DCHS2: variants seen among roughly 807,000 people sequenced by gnomAD.
The protein encoded by DCHS2 is protocadherin-23.
DCHS2 carries 142 observed loss-of-function variants against 182.4 expected under a neutral mutation model. The observed-to-expected ratio is 0.78, with a 90% CI of 0.68 to 0.89. The LOEUF (loss-of-function observed/expected upper bound fraction) is 0.89, where lower values mean the gene tolerates loss of function less well. Ranked by LOEUF, DCHS2 falls within the 40% of genes least tolerant of loss-of-function variation. The pLI is 0.00. For missense variants in DCHS2, 4,319 were observed against 4,198.6 expected, an observed-to-expected ratio of 1.03 and a Z score of -0.79; for synonymous variants, 1,740 against 1,663.3, an observed-to-expected ratio of 1.05 and a Z score of -1.12.
At chr4:154,367,169 C>T (rs1730421070) in intron 2 of DCHS2, among the ~76,000 whole-genome samples, 1 of 152,338 alleles carries the variant, frequency 6.6e-6, no homozygotes, top group Admixed American at 6.5e-5. Flanking sequence ...TCCTAGGGAC[C>T]TCTGCAGGTC....
At position 154,284,220 on chromosome 4, in the gene DCHS2, C is replaced by T. The variant is rs190751787; in HGVS notation, c.6463+13631G>A. ...TTTTATCCTCAAAATAATCTAAAAT[C>T]AGGCTTCAGACATCCACAAACAATA... On this transcript the variant is annotated intron_variant, in intron 13 of 19. Coordinates refer to ENST00000357232, the MANE Select transcript of DCHS2 (RefSeq NM_001358235.2). 1.1e-4 allele frequency among the ~76,000 whole-genome samples: 17 copies of T among 152,264 alleles called. No homozygotes were observed. The East Asian group carries it at 3.1e-3, about 28-fold the overall frequency.
At chr4:154,376,578 T>A (rs1247279773) in intron 2 of DCHS2, among the ~76,000 whole-genome samples, 1 of 152,174 alleles carries the variant, frequency 6.6e-6, no homozygotes, top group African/African-American at 2.4e-5. Flanking sequence ...GAATTCCAGA[T>A]AATAAATGCA....
intron 14 of DCHS2, among the ~76,000 whole-genome samples, chr4:154,265,169 G>A (rs760828617): frequency 2.6e-5 from 4 of 151,914 alleles, no homozygotes; most frequent in Non-Finnish European, 4.4e-5. Flanking sequence ...AAAATCAAAA[G>A]ACAAAAATCA....
intron 1 of DCHS2, among the ~76,000 whole-genome samples, chr4:154,433,770 T>A (rs1036983833): frequency 2.6e-5 from 4 of 152,198 alleles, no homozygotes; most frequent in Non-Finnish European, 5.9e-5. Context: ...CTCCTCTCAC[T>A]AGGCTCCTGC....
intron 13 of DCHS2, among the ~76,000 whole-genome samples, chr4:154,295,428 G>A (rs2111272564): frequency 6.6e-6 from 1 of 152,232 alleles, no homozygotes; most frequent in African/African-American, 2.4e-5. Context: ...ATTATCATAG[G>A]AATTCATATG....
chr4:154,408,070 G>A (rs551935738), intron 1 of DCHS2, among the ~76,000 whole-genome samples: 1 of 152,048 alleles, frequency 6.6e-6, no homozygotes, highest in South Asian at 2.1e-4. Flanking sequence ...ATCTCTGTAC[G>A]TATTTGATAT....
intron 10 of DCHS2, among the ~76,000 whole-genome samples, chr4:154,308,833 C>T (rs1420294117): frequency 6.6e-6 from 1 of 152,042 alleles, no homozygotes; most frequent in African/African-American, 2.4e-5. Context: ...AATATAGCAC[C>T]GGATACAGAT....
At position 154,332,912 on chromosome 4, in the gene DCHS2, G is replaced by A; in HGVS notation, c.3296C>T (p.Pro1099Leu). ...CTGTGTTTGCAGCATTTGTGTCATC[G>A]GTGAGAGAGACTCACTGACTTCCAC... Reference protein sequence around the residue: ...YQVEVSESLSPMTQMLQTQAH... With the variant: ...YQVEVSESLSLMTQMLQTQAH... Residue 1099 changes from proline to leucine, a missense_variant, in exon 5 of 20, where the codon CCG becomes CTG. Pro to Leu is a moderately conservative substitution (Grantham distance 98). Transcript: ENST00000357232. 1.2e-6 allele frequency: 2 copies of A among 1,614,196 alleles called. No individual in the cohort carries two copies. The highest frequency in any genetic ancestry group is 1.7e-6 in the Non-Finnish European group (2 of 1,180,036).
intron 1 of DCHS2, chr4:154,384,434 A>G (rs373699504): frequency 1.5e-5 from 24 of 1,611,392 alleles, no homozygotes; most frequent in Non-Finnish European, 2.0e-5. Flanking sequence ...CCCAGAGCTC[A>G]GTCTCGGGAC....
intron 2 of DCHS2, among the ~76,000 whole-genome samples, chr4:154,368,904 G>A (rs1028765261): frequency 6.6e-6 from 1 of 152,156 alleles, no homozygotes; most frequent in Non-Finnish European, 1.5e-5. Context: ...AGGCTTGGCA[G>A]TCAGATTCCT....
In DCHS2 at chr4:154,232,385, A is replaced by G; in HGVS notation, c.*2151T>C. ...TGATAAACCCATCAATTAAAAATCCATTAAATATTGGTAAAAAAGCTCTAT... is the reference window on the plus strand; with the variant it reads ...TGATAAACCCATCAATTAAAAATCCGTTAAATATTGGTAAAAAAGCTCTAT... On this transcript the variant is annotated 3_prime_UTR_variant, in exon 20 of 20. Transcript: ENST00000357232. 6.6e-6 allele frequency: 1 copy of G among 152,144 alleles called. No individual in the cohort carries two copies. The allele number at this position is 152,144 out of a possible 1,614,324, so 9.4% of individuals were successfully genotyped here.
chr4:154,377,344 T>C lies in DCHS2; in HGVS notation c.2153A>G (p.Asp718Gly), dbSNP rs753429553. 6 of 1,613,406 alleles carry C rather than the reference T, an allele frequency of 3.7e-6. No homozygotes were observed. Among genetic ancestry groups the C allele is most frequent in the Non-Finnish European group, 5.1e-6 (6 of 1,179,710 alleles). Residue 718 changes from aspartate (D) to glycine (G), a missense_variant, in exon 2 of 20, where the codon GAC (aspartate) becomes GGC (glycine). Coordinates refer to ENST00000357232, the MANE Select transcript of DCHS2 (RefSeq NM_001358235.2). The part of the protein sequence containing the change: ...SYEAPQAFRI[D>G]PHDGQICVSQ... ...AACACAGATTTGCCCATCATGAGGGTCGATCCGGAATGCCTGAGGTGCTTC... is the reference window on the plus strand; with the variant it reads ...AACACAGATTTGCCCATCATGAGGGCCGATCCGGAATGCCTGAGGTGCTTC...
At chr4:154,488,965 A>G (rs1451041956) in intron 1 of DCHS2, among the ~76,000 whole-genome samples, 1 of 151,798 alleles carries the variant, frequency 6.6e-6, no homozygotes, top group Non-Finnish European at 1.5e-5. Context: ...GATGTGAGAC[A>G]TTGTCAGTTG....
chr4:154,389,516 T>TATATATA lies in DCHS2; in HGVS notation c.2053-12073_2053-12072insTATATAT, dbSNP rs1731575119. ...TATGTTCTATTCCTAAAGACAAAGG[T>TATATATA]TATATATATATATATATATAACCTT... On this transcript the variant is annotated intron_variant, in intron 1 of 19. Transcript: ENST00000357232. 4.1e-4 allele frequency among the ~76,000 whole-genome samples: 46 copies of TATATATA among 111,126 alleles called. 2 individuals are homozygous for TATATATA. Among genetic ancestry groups the TATATATA allele is most frequent in the African/African-American group, 1.4e-3 (45 of 32,068 alleles). The allele number at this position is 111,126 out of a possible 152,430, so 72.9% of individuals were successfully genotyped here. A position where few individuals can be genotyped will look rare whatever the true frequency, so the allele number is the denominator to read the frequency against.
intron 1 of DCHS2, among the ~76,000 whole-genome samples, chr4:154,450,223 T>C (rs763194224): frequency 2.0e-5 from 3 of 152,190 alleles, no homozygotes; most frequent in Non-Finnish European, 4.4e-5. Flanking sequence ...CTAGGAGGGC[T>C]GCAGTCTCCC....
intron 15 of DCHS2, among the ~76,000 whole-genome samples, chr4:154,256,968 C>T (rs1046645373): frequency 2.0e-5 from 3 of 152,170 alleles, no homozygotes; most frequent in Middle Eastern, 3.4e-3. Context: ...CCACTATATC[C>T]CTTGGAGCCA....
chr4:154,488,042 T>C (rs1056783741), intron 1 of DCHS2, among the ~76,000 whole-genome samples: 1 of 152,178 alleles, frequency 6.6e-6, no homozygotes, highest in Non-Finnish European at 1.5e-5. Context: ...GCTAGCCATG[T>C]TGGCGCATGC....
intron 10 of DCHS2, among the ~76,000 whole-genome samples, chr4:154,307,658 G>A (rs1212659900): frequency 6.6e-6 from 1 of 152,162 alleles, no homozygotes; most frequent in African/African-American, 2.4e-5. Context: ...TTCAGCCTGG[G>A]ATCATTCCAA....
At position 154,366,238 on chromosome 4, in the gene DCHS2, C is replaced by A. The variant is rs78251264; in HGVS notation, c.2448G>T (p.Ser816=). ...TGGTGGAGTCAATGGTAAAAAGGGA[C>A]GACACGTTTCCTGGAATAAGCTCAT... is the stretch of plus-strand genomic sequence containing the variant. ...VAYELIPGNV[S]SLFTIDSTTG... Residue 816 remains serine (S), a synonymous_variant, in exon 3 of 20, where the codon TCG becomes TCT. Coordinates refer to ENST00000357232, the MANE Select transcript of DCHS2 (RefSeq NM_001358235.2). 1.9e-6 allele frequency: 3 copies of A among 1,613,464 alleles called. No homozygotes were observed. Among genetic ancestry groups the A allele is most frequent in the South Asian group, 2.2e-5 (2 of 91,036 alleles).
Sources: allele counts gnomAD v4.1 joint callset (sites outside exome capture counted in the v4.1 genomes callset), GRCh38; gene constraint gnomAD v4.1.1; transcripts MANE v1.5; gene names NCBI Gene and HGNC (gene_info 2026-07-23, HGNC 2026-07-21).